Variants in ESRRG observed in about 807,000 individuals in gnomAD.
The protein encoded by ESRRG is estrogen-related receptor gamma.
A neutral mutation model predicts 44.0 loss-of-function variants in ESRRG; 13 were observed. The ratio of observed to expected loss-of-function variants is 0.30; its 90% CI spans 0.19 to 0.47. The LOEUF is 0.47. ESRRG is among the 20% of genes least tolerant of loss of function. ESRRG has a pLI of 1.00. For synonymous variants in ESRRG, 215 were observed against 214.6 expected, an observed-to-expected ratio of 1.00 and a Z score of -0.02; for missense variants, 395 against 580.6, an observed-to-expected ratio of 0.68 and a Z score of 3.29.
intron 1 of ESRRG, among the ~76,000 whole-genome samples, chr1:216,949,680 T>C (rs1367917033): frequency 6.6e-6 from 1 of 152,222 alleles, no homozygotes; most frequent in Non-Finnish European, 1.5e-5. Context: ...TTGACATTTC[T>C]GTGAGCTTGT....
rs186794863 is a variant in ESRRG, at chr1:216,592,390, A to T, written c.590-24292T>A. ...ACTCCAAAAAGTTACTGTTGCCTGG[A>T]AGTAATATTACCTCCAGTGGATCTT... is the stretch of plus-strand genomic sequence containing the variant. On this transcript the variant is annotated intron_variant, in intron 3 of 6. Transcript: ENST00000408911. Among the ~76,000 whole-genome samples, 125 of 152,140 alleles carry T rather than the reference A, an allele frequency of 8.2e-4. 1 individual carries two copies. Among genetic ancestry groups the T allele is most frequent in the African/African-American group, 2.9e-3 (122 of 41,506 alleles).
intron 1 of ESRRG, among the ~76,000 whole-genome samples, chr1:217,103,813 C>A (rs978918703): frequency 6.6e-6 from 1 of 152,028 alleles, no homozygotes; most frequent in Admixed American, 6.6e-5. Context: ...AAGAAGGAAC[C>A]AAGCATTAAG....
At chr1:216,896,384 G>T (rs1046792371) in intron 2 of ESRRG, among the ~76,000 whole-genome samples, 1 of 152,102 alleles carries the variant, frequency 6.6e-6, no homozygotes, top group Non-Finnish European at 1.5e-5. Flanking sequence ...GGAAACAACA[G>T]CACTCAGGTA....
At chr1:216,769,716 A>C (rs980713753) in intron 2 of ESRRG, among the ~76,000 whole-genome samples, 4 of 152,150 alleles carry the variant, frequency 2.6e-5, no homozygotes, top group Admixed American at 6.6e-5. Context: ...ATATGACAAA[A>C]TCAGGAAGCA....
chr1:216,680,112 C>T (rs566287108), intron 1 of ESRRG, among the ~76,000 whole-genome samples: 12 of 152,306 alleles, frequency 7.9e-5, no homozygotes, highest in Non-Finnish European at 1.2e-4. Context: ...GTAGGTTGTA[C>T]GTGTTTTTGG....
At chr1:216,612,125 C>T (rs2060759788) in intron 3 of ESRRG, among the ~76,000 whole-genome samples, 1 of 151,980 alleles carries the variant, frequency 6.6e-6, no homozygotes, top group Admixed American at 6.6e-5. Flanking sequence ...ATTTCAGTAA[C>T]CCAGGTGAGA....
chr1:216,905,561 T>C (rs1187915179), intron 2 of ESRRG, among the ~76,000 whole-genome samples: 1 of 152,090 alleles, frequency 6.6e-6, no homozygotes, highest in Non-Finnish European at 1.5e-5. Flanking sequence ...CTTTGTATAC[T>C]TACGTAATAA....
chr1:217,096,229 T>C (rs115771592), intron 1 of ESRRG, among the ~76,000 whole-genome samples: 2,586 of 152,308 alleles, frequency 0.017, 79 homozygotes, highest in African/African-American at 0.059. Context: ...CAAGACTCAA[T>C]TTTCCATTTG....
intron 3 of ESRRG, among the ~76,000 whole-genome samples, chr1:216,570,726 A>T (rs2060628535): frequency 6.6e-6 from 1 of 152,222 alleles, no homozygotes; most frequent in Admixed American, 6.5e-5. Flanking sequence ...GCAGGCAGAG[A>T]GAGAGAAACA....
At chr1:216,671,618 G>A (rs72737386) in intron 2 of ESRRG, among the ~76,000 whole-genome samples, 6,628 of 152,274 alleles carry the variant, frequency 0.044, 207 homozygotes, top group South Asian at 0.12. Context: ...GAGGAAAAGA[G>A]GGGTTAAGGT....
At chr1:216,609,756 A>G (rs1370848607) in intron 3 of ESRRG, among the ~76,000 whole-genome samples, 2 of 152,230 alleles carry the variant, frequency 1.3e-5, no homozygotes, top group Non-Finnish European at 2.9e-5. Context: ...AAAAATAGCA[A>G]AATTATTGAC....
At chr1:216,949,418 G>A (rs2818756) in intron 1 of ESRRG, among the ~76,000 whole-genome samples, 15,118 of 152,184 alleles carry the variant, frequency 0.099, 2,256 homozygotes, top group African/African-American at 0.32. Flanking sequence ...TTCTGGATGA[G>A]ATCATTACCC....
At chr1:216,535,041 T>A (rs1402598381) in intron 5 of ESRRG, among the ~76,000 whole-genome samples, 2 of 152,102 alleles carry the variant, frequency 1.3e-5, no homozygotes, top group Non-Finnish European at 2.9e-5. Flanking sequence ...GGTTGATGAC[T>A]GACAGAGAGT....
chr1:216,684,270 A>C (rs1195249413), intron 1 of ESRRG, among the ~76,000 whole-genome samples: 1 of 152,194 alleles, frequency 6.6e-6, no homozygotes, highest in African/African-American at 2.4e-5. Flanking sequence ...CTGGTTGATA[A>C]ACTTTATTAA....
At chr1:216,872,918 G>C (rs1439413750) in intron 2 of ESRRG, among the ~76,000 whole-genome samples, 1 of 152,096 alleles carries the variant, frequency 6.6e-6, no homozygotes, top group African/African-American at 2.4e-5. Context: ...TATGTGTCTT[G>C]CTTAACTCTT....
At position 216,583,342 on chromosome 1, in the gene ESRRG, C is replaced by A. The variant is rs185331751; in HGVS notation, c.590-15244G>T. On this transcript the variant is annotated intron_variant, in intron 3 of 6. Transcript: ENST00000408911. Reference sequence around the variant, plus strand: ...TCAATGGTTATTCCATAATTCCTGTCAATGCCAAATCACTTCAGCAAGGCC... The same window carrying A: ...TCAATGGTTATTCCATAATTCCTGTAAATGCCAAATCACTTCAGCAAGGCC... Among the ~76,000 whole-genome samples the A allele has an allele frequency of 2.7e-3, 417 of 152,304 alleles. 1 individual carries two copies. Among genetic ancestry groups the A allele is most frequent in the African/African-American group, 9.1e-3 (378 of 41,572 alleles).
intron 1 of ESRRG, among the ~76,000 whole-genome samples, chr1:216,995,794 C>T (rs1465603852): frequency 6.6e-6 from 1 of 152,136 alleles, no homozygotes; most frequent in Non-Finnish European, 1.5e-5. Context: ...TTAAGAATTG[C>T]TTACACCATT....
rs5780935 is a variant in ESRRG at position 216,856,352 on chromosome 1, A to AACACACACACACACAC, written c.-14+83214_-14+83229dup. The stretch of plus-strand genomic sequence containing the variant: ...TATGTCTGTCTCTGCTTCTCTCTTC[A>AACACACACACACACAC]ACACACACACACACACACACACACA... On this transcript the variant is annotated intron_variant, in intron 2 of 7. Coordinates refer to the ESRRG transcript ENST00000359162. Among the ~76,000 whole-genome samples the AACACACACACACACAC allele has an allele frequency of 1.5e-3, 208 of 141,978 alleles. 2 individuals carry two copies. The highest frequency in any genetic ancestry group is 7.2e-3 in the Middle Eastern group (2 of 276). The allele number at this position is 141,978 out of a possible 152,430, so 93.1% of individuals were successfully genotyped here.
chr1:217,109,086 A>G (rs2092632244), intron 1 of ESRRG, among the ~76,000 whole-genome samples: 2 of 152,206 alleles, frequency 1.3e-5, no homozygotes, highest in Admixed American at 1.3e-4. Context: ...GGGACAGCCT[A>G]AAAGCTAAGG....
Sources: allele counts gnomAD v4.1 joint callset (sites outside exome capture counted in the v4.1 genomes callset), GRCh38; gene constraint gnomAD v4.1.1; transcripts MANE v1.5; gene names NCBI Gene and HGNC (gene_info 2026-07-23, HGNC 2026-07-21).